BDP1: variants seen among roughly 807,000 people sequenced by gnomAD.
BDP1 encodes the protein transcription factor TFIIIB component B'' homolog.
Under a neutral mutation model 266.6 loss-of-function variants are expected in BDP1, and 169 were observed. That is an observed-to-expected ratio of 0.63 (90% CI 0.56 to 0.72). BDP1 has a LOEUF of 0.72. Ranked by LOEUF, BDP1 falls within the 30% of genes least tolerant of loss-of-function variation. BDP1 has a pLI of 0.00. For missense variants in BDP1, 3,015 were observed against 3,053.8 expected, an observed-to-expected ratio of 0.99 and a Z score of 0.30; for synonymous variants, 1,090 against 1,022.4, an observed-to-expected ratio of 1.07 and a Z score of -1.26.
In BDP1 at chr5:71,549,369, CTG is replaced by C. The variant is rs750230452; in HGVS notation, c.6809-49_6809-48del. On this transcript the variant is annotated intron_variant, in intron 33 of 38. Coordinates refer to ENST00000358731, the MANE Select transcript of BDP1 (RefSeq NM_018429.3). ...AGAAATGAAATAAATTAATGATACTCTGTTATTTCATAGTTGAGCTTTTTTAT... is the reference window on the plus strand; with the variant it reads ...AGAAATGAAATAAATTAATGATACTCTTATTTCATAGTTGAGCTTTTTTAT... 4 of 1,349,358 alleles carry C rather than the reference CTG, an allele frequency of 3.0e-6. No homozygotes were observed. The South Asian group carries it at 5.4e-5, about 18-fold the overall frequency. The allele number at this position is 1,349,358 out of a possible 1,614,324, so 83.6% of individuals were successfully genotyped here. A position where few individuals can be genotyped will look rare whatever the true frequency, so the allele number is the denominator to read the frequency against.
intron 9 of BDP1, 138 bp from the exon 10 acceptor site, chr5:71,489,266 T>C (rs1265820849): frequency 8.9e-6 from 5 of 562,322 alleles, no homozygotes; most frequent in Non-Finnish European, 1.5e-5. Context: ...TCATTTCCCA[T>C]TAGACATTTT....
At chr5:71,559,131 A>C (rs2112075400) in intron 36 of BDP1, among the ~76,000 whole-genome samples, 1 of 152,178 alleles carries the variant, frequency 6.6e-6, no homozygotes, top group Middle Eastern at 3.4e-3. Flanking sequence ...TCCAGCCTGG[A>C]CGACAGAGCG....
Position 71,504,605 on chromosome 5 carries a change from T to A in BDP1, c.2242-16T>A. ...TGTGAAACCTAAAACATTAGAAAAA[T>A]TTGTTTGTTTTTAAGACTCCTCAAC... On this transcript the variant is annotated splice_polypyrimidine_tract_variant and intron_variant, in intron 15 of 38. Transcript: ENST00000358731. The A allele has an allele frequency of 1.3e-6, 2 of 1,592,328 alleles. No homozygotes were observed. Among genetic ancestry groups the A allele is most frequent in the Non-Finnish European group, 8.5e-7 (1 of 1,171,422 alleles).
chr5:71,466,187 G>A lies in BDP1; in HGVS notation c.751G>A (p.Ala251Thr), dbSNP rs1761895178. The A allele has an allele frequency of 1.1e-5, 18 of 1,613,912 alleles. No individual in the cohort carries two copies. Among genetic ancestry groups the A allele is most frequent in the Non-Finnish European group, 1.4e-5 (17 of 1,179,984 alleles). Residue 251 changes from alanine (A) to threonine (T), a missense_variant, in exon 5 of 39, where the codon GCA becomes ACA. Ala to Thr is a moderately conservative substitution (Grantham distance 58). Coordinates refer to ENST00000358731, the MANE Select transcript of BDP1 (RefSeq NM_018429.3). ...GPLLVPRVKVAEDGSIILDEE... is the reference protein window; with the variant it reads ...GPLLVPRVKVTEDGSIILDEE... ...ATTACTGGTTCCTCGAGTAAAAGTG[G>A]CAGAAGATGGTTCCATTATTTTGGA...
At chr5:71,560,404 A>G (rs1448691186) in intron 37 of BDP1, among the ~76,000 whole-genome samples, 167 bp downstream of exon 37, 1 of 152,232 alleles carries the variant, frequency 6.6e-6, no homozygotes, top group Non-Finnish European at 1.5e-5. Context: ...AATATTGCAG[A>G]TACACATTCT....
chr5:71,563,147 T>G (rs1743799242), intron 38 of BDP1, among the ~76,000 whole-genome samples: 1 of 152,212 alleles, frequency 6.6e-6, no homozygotes, highest in Non-Finnish European at 1.5e-5. Flanking sequence ...TTTGTTTTTT[T>G]TGTGTGTTTG....
Position 71,455,653 on chromosome 5 carries a change from G to T in BDP1, c.-225G>T. On this transcript the variant is annotated 5_prime_UTR_variant, in exon 1 of 39. It adds an upstream start codon to the 5' untranslated region. Coordinates refer to ENST00000358731, the MANE Select transcript of BDP1 (RefSeq NM_018429.3). ...TGTGAGCGCGGGGATGCTGGGAGGA[G>T]GGTGAAATTTAGCCATCGGTGTGTG... The T allele has an allele frequency of 1.7e-6, 1 of 582,534 alleles. No homozygotes were observed. The highest frequency in any genetic ancestry group is 2.1e-5 in the South Asian group (1 of 48,658). The allele number at this position is 582,534 out of a possible 1,614,324, so 36.1% of individuals were successfully genotyped here. A position where few individuals can be genotyped will look rare whatever the true frequency, so the allele number is the denominator to read the frequency against.
rs183646485 is a variant in BDP1, at chr5:71,460,321, G to A, written c.489+1466G>A. Reference sequence around the variant, plus strand: ...CTTGAACCTGGGAGGCAGAGGTTGCGGTGAGCCAAAATCGTGCCATTGCAC... The same window carrying A: ...CTTGAACCTGGGAGGCAGAGGTTGCAGTGAGCCAAAATCGTGCCATTGCAC... On this transcript the variant is annotated intron_variant, in intron 2 of 38. Transcript: ENST00000358731. Among the ~76,000 whole-genome samples, 110 of 152,228 alleles carry A rather than the reference G, an allele frequency of 7.2e-4. 1 individual carries two copies. The highest frequency in any genetic ancestry group is 3.9e-3 in the Admixed American group (60 of 15,284).
chr5:71,455,694 AGCGGCGGCGGCGGGAGAGAGGAGGAG>A lies in BDP1; in HGVS notation c.-173_-148del. ...TCGGTGTGTGGCAGGGTCATGAAAAAGCGGCGGCGGCGGGAGAGAGGAGGAGGCGGCGGCGGGGCAGTGAAACTACG... is the reference window on the plus strand; with the variant it reads ...TCGGTGTGTGGCAGGGTCATGAAAAAGCGGCGGCGGGGCAGTGAAACTACG... On this transcript the variant is annotated 5_prime_UTR_variant, in exon 1 of 39. It introduces an in-frame stop codon into an upstream open reading frame of the 5' UTR. Transcript: ENST00000358731. 2 of 608,860 alleles carry A rather than the reference AGCGGCGGCGGCGGGAGAGAGGAGGAG, an allele frequency of 3.3e-6. No homozygotes were observed. The highest frequency in any genetic ancestry group is 5.8e-6 in the Non-Finnish European group (2 of 344,338). 37.7% of individuals were successfully genotyped at this position (608,860 alleles called of 1,614,324 possible).
rs1270323413 is a variant in BDP1 at position 71,560,224 on chromosome 5, G to T, written c.7483G>T (p.Ala2495Ser). ...QMDSRTSSSKASLSRPGRRPL... is the reference protein window; with the variant it reads ...QMDSRTSSSKSSLSRPGRRPL... ...GGATAGCAGAACATCGTCTTCTAAA[G>T]CCTCACTATCCAGGTATCATGAACA... Residue 2495 changes from alanine (A) to serine (S), a missense_variant, in exon 37 of 39, where the codon GCC (alanine) becomes TCC (serine). By Grantham distance (99) the Ala-to-Ser change is moderately conservative. Transcript: ENST00000358731. The T allele has an allele frequency of 1.9e-6, 3 of 1,614,024 alleles. No individual in the cohort carries two copies. Among genetic ancestry groups the T allele is most frequent in the Non-Finnish European group, 2.5e-6 (3 of 1,179,984 alleles).
In BDP1 at chr5:71,522,776, A is replaced by G. The variant is rs568462604; in HGVS notation, c.5214A>G (p.Thr1738=). The change falls in exon 24 of 39, where the codon ACA becomes ACG. Residue 1738 remains threonine (T), a synonymous_variant. Transcript: ENST00000358731. ...TTAAGGAAAAAGCTGAGCTTCTGAC[A>G]TCTCTGGAGGTTTCAGCAAGAAAAG... ...LLLKEKAELL[T]SLEVSARKDC... The G allele has an allele frequency of 6.3e-7, 1 of 1,592,284 alleles. No homozygotes were observed. The highest frequency in any genetic ancestry group is 1.2e-5 in the South Asian group (1 of 85,740).
At chr5:71,563,589 A>G (rs1004495415) in intron 38 of BDP1, among the ~76,000 whole-genome samples, 9 of 151,960 alleles carry the variant, frequency 5.9e-5, no homozygotes, top group African/African-American at 7.3e-5. Flanking sequence ...TCAATCTTTT[A>G]TAGCTTTCTG....
At position 71,499,318 on chromosome 5, in the gene BDP1, C is replaced by G. The variant is rs145846871; in HGVS notation, c.1956+1892C>G. On this transcript the variant is annotated intron_variant, in intron 13 of 38. Transcript: ENST00000358731. The stretch of plus-strand genomic sequence containing the variant: ...TTTCACCATATTGAGCCACCGTGCC[C>G]TGCCAAAACCTTTTTCAGCTGACCA... Among the ~76,000 whole-genome samples the G allele has an allele frequency of 1.9e-3, 293 of 152,242 alleles. 2 individuals carry two copies. The highest frequency in any genetic ancestry group is 0.013 in the South Asian group (64 of 4,826).
downstream of BDP1, among the ~76,000 whole-genome samples, chr5:71,569,407 G>T (rs558913041): frequency 3.3e-5 from 5 of 150,890 alleles, no homozygotes; most frequent in Non-Finnish European, 7.4e-5. Context: ...AGGTATGATC[G>T]TGCCAGCCTG....
chr5:71,560,286 A>G (rs1358212845), intron 37 of BDP1, 49 bp downstream of exon 37: 2 of 1,567,638 alleles, frequency 1.3e-6, no homozygotes, highest in Non-Finnish European at 8.7e-7. Flanking sequence ...GTCTTAATAA[A>G]TATAACCTAT....
At chr5:71,461,738 G>A (rs893595274) in intron 2 of BDP1, 79 bp from the exon 3 acceptor site, 1 of 781,526 alleles carries the variant, frequency 1.3e-6, no homozygotes, top group Non-Finnish European at 2.2e-6. Flanking sequence ...GAACGCAACA[G>A]TGGACTGTAT....
intron 16 of BDP1, among the ~76,000 whole-genome samples, chr5:71,507,450 ATATAAT>A (rs1392987340): frequency 6.6e-6 from 1 of 152,252 alleles, no homozygotes; most frequent in African/African-American, 2.4e-5. Flanking sequence ...AGCACATAGA[ATATAAT>A]TATAACATTG....
intron 22 of BDP1, among the ~76,000 whole-genome samples, chr5:71,521,593 C>G (rs1765499008): frequency 6.6e-6 from 1 of 152,088 alleles, no homozygotes; most frequent in African/African-American, 2.4e-5. Context: ...TGCCTGGTCT[C>G]TATTAGTTTT....
Position 71,461,456 on chromosome 5 carries a change from C to A in BDP1, c.490-361C>A, listed in dbSNP as rs546989076. 6.7e-4 allele frequency among the ~76,000 whole-genome samples: 101 copies of A among 150,126 alleles called. 2 individuals carry two copies. The highest frequency in any genetic ancestry group is 3.3e-3 in the East Asian group (17 of 5,124). On this transcript the variant is annotated intron_variant, in intron 2 of 38. Coordinates refer to ENST00000358731, the MANE Select transcript of BDP1 (RefSeq NM_018429.3). ...TCCATCTCTACCAAAAAAAAAAAAACCCCACAAAATTAGCCAGGTGTTAGG... is the reference window on the plus strand; with the variant it reads ...TCCATCTCTACCAAAAAAAAAAAAAACCCACAAAATTAGCCAGGTGTTAGG...
Sources: allele counts gnomAD v4.1 joint callset (sites outside exome capture counted in the v4.1 genomes callset), GRCh38; gene constraint gnomAD v4.1.1; transcripts MANE v1.5; gene names NCBI Gene and HGNC (gene_info 2026-07-23, HGNC 2026-07-21).